TRPM3: variants seen among roughly 807,000 people sequenced by gnomAD.
TRPM3 encodes long transient receptor potential channel 3.
A neutral mutation model predicts 181.2 loss-of-function variants in TRPM3; 77 were observed. The observed-to-expected ratio is 0.42, with a 90% CI of 0.35 to 0.51. The LOEUF is 0.51. Among genes scored for constraint, TRPM3 ranks in the 20% least tolerant of loss-of-function variants. The probability of loss-of-function intolerance (pLI) is 0.01; values close to 1 mark genes in which losing one functional copy is unlikely to be tolerated. For missense variants in TRPM3, 1,759 were observed against 2,196.7 expected, an observed-to-expected ratio of 0.80 and a Z score of 3.98; for synonymous variants, 745 against 796.4, an observed-to-expected ratio of 0.94 and a Z score of 1.09.
At chr9:70,796,110 A>C (rs143916752) in intron 6 of TRPM3, among the ~76,000 whole-genome samples, 1 of 152,344 alleles carries the variant, frequency 6.6e-6, no homozygotes, top group Non-Finnish European at 1.5e-5. Context: ...TCTCAGATGT[A>C]ATCAGGGTGG....
intron 8 of TRPM3, among the ~76,000 whole-genome samples, chr9:70,684,673 T>C (rs1247049513): frequency 6.6e-6 from 1 of 152,228 alleles, no homozygotes; most frequent in Admixed American, 6.5e-5. Flanking sequence ...AAAACAGGTA[T>C]TCTTAAATAT....
At chr9:70,620,861 A>C (rs964771387) in intron 15 of TRPM3, among the ~76,000 whole-genome samples, 1 of 151,718 alleles carries the variant, frequency 6.6e-6, no homozygotes, top group African/African-American at 2.4e-5. Context: ...ACTTGTAAAC[A>C]CTCATGAATA....
rs183026102 is a variant in TRPM3 at position 70,746,720 on chromosome 9, A to C, written c.1272+14881T>G. 2.0e-5 allele frequency among the ~76,000 whole-genome samples: 3 copies of C among 152,304 alleles called. No homozygotes were observed. The East Asian group carries it at 5.8e-4, about 29-fold the overall frequency. The stretch of plus-strand genomic sequence containing the variant: ...AAAAAATCAAACCATTGTTTCAACC[A>C]AAAGGAGGAAGCCCCAAGTATGATA... On this transcript the variant is annotated intron_variant, in intron 8 of 25. Transcript: ENST00000677713.
At chr9:71,054,978 AG>A (rs1454984832) in intron 1 of TRPM3, among the ~76,000 whole-genome samples, 14 of 152,264 alleles carry the variant, frequency 9.2e-5, no homozygotes, top group African/African-American at 3.1e-4. Flanking sequence ...CCTGGCTGCT[AG>A]GCAGCACTCA....
chr9:70,911,232 G>A (rs1208039963), intron 1 of TRPM3, among the ~76,000 whole-genome samples: 1 of 152,112 alleles, frequency 6.6e-6, no homozygotes, highest in Non-Finnish European at 1.5e-5. Context: ...GTCACACTTT[G>A]GAAAGGATTT....
At chr9:71,322,996 T>C (rs1347077603) in intron 1 of TRPM3, among the ~76,000 whole-genome samples, 1 of 152,150 alleles carries the variant, frequency 6.6e-6, no homozygotes, top group Non-Finnish European at 1.5e-5. Flanking sequence ...TTCTCCATCT[T>C]TTTTGCCCTT....
intron 9 of TRPM3, among the ~76,000 whole-genome samples, chr9:70,677,841 C>T (rs2064400464): frequency 6.6e-6 from 1 of 152,038 alleles, no homozygotes; most frequent in African/African-American, 2.4e-5. Context: ...CCTTTCCACC[C>T]CTAAAATAAG....
intron 6 of TRPM3, chr9:70,793,455 C>CA (rs71507012): frequency 0.024 from 2,515 of 106,906 alleles, 92 homozygotes; most frequent in African/African-American, 0.073. Flanking sequence ...GGCTTTGTCT[C>CA]AAAAAAAAAA....
chr9:71,006,428 A>C (rs952918185), intron 1 of TRPM3, among the ~76,000 whole-genome samples: 1 of 152,156 alleles, frequency 6.6e-6, no homozygotes, highest in African/African-American at 2.4e-5. Context: ...ACAAGACCCA[A>C]CTATATGTTA....
intron 1 of TRPM3, among the ~76,000 whole-genome samples, chr9:71,049,323 A>G (rs1821766897): frequency 6.6e-6 from 1 of 152,100 alleles, no homozygotes; most frequent in African/African-American, 2.4e-5. Flanking sequence ...ACTTGTAAGT[A>G]CTCATCTTTC....
chr9:70,934,278 G>GA (rs2096802836), intron 1 of TRPM3, among the ~76,000 whole-genome samples: 1 of 152,036 alleles, frequency 6.6e-6, no homozygotes, highest in Non-Finnish European at 1.5e-5. Context: ...GTAGGAAGAA[G>GA]AAAAAAATGG....
chr9:70,927,269 A>G (rs554326142), intron 1 of TRPM3, among the ~76,000 whole-genome samples: 1 of 152,310 alleles, frequency 6.6e-6, no homozygotes, highest in East Asian at 1.9e-4. Flanking sequence ...TGGAAATTCA[A>G]ATTTACTTTT....
At chr9:70,761,399 C>G in intron 8 of TRPM3, 1 of 723,600 alleles carries the variant, frequency 1.4e-6, no homozygotes. Context: ...AACTCTGCTG[C>G]ACACACCTTA....
chr9:71,105,903 T>C (rs1040131397), intron 1 of TRPM3, among the ~76,000 whole-genome samples: 2 of 152,142 alleles, frequency 1.3e-5, no homozygotes, highest in African/African-American at 4.8e-5. Context: ...TTAAAGAACT[T>C]TCTAGGGTGA....
intron 1 of TRPM3, among the ~76,000 whole-genome samples, chr9:70,919,609 C>T (rs1041516823): frequency 6.6e-6 from 1 of 152,012 alleles, no homozygotes; most frequent in Non-Finnish European, 1.5e-5. Flanking sequence ...CATGGTGAAA[C>T]CCTGTCTCTA....
intron 1 of TRPM3, among the ~76,000 whole-genome samples, chr9:71,179,363 C>T (rs770039226): frequency 2.3e-4 from 35 of 152,126 alleles, no homozygotes; most frequent in Non-Finnish European, 4.6e-4. Context: ...AACAAGCAGT[C>T]ATCCACTTGT....
intron 1 of TRPM3, among the ~76,000 whole-genome samples, chr9:71,088,222 C>G (rs998385904): frequency 6.6e-6 from 1 of 152,038 alleles, no homozygotes; most frequent in South Asian, 2.1e-4. Context: ...ACTAATATTA[C>G]GCAGAGTACA....
chr9:70,678,278 C>CT (rs1018223581), intron 9 of TRPM3, among the ~76,000 whole-genome samples: 5 of 151,818 alleles, frequency 3.3e-5, no homozygotes, highest in Non-Finnish European at 7.4e-5. Context: ...TCTTTCTTTT[C>CT]TTTTTTTTGG....
intron 1 of TRPM3, among the ~76,000 whole-genome samples, chr9:71,421,007 A>AAAAGAG (rs1563912752): frequency 2.3e-5 from 3 of 129,022 alleles, no homozygotes; most frequent in Non-Finnish European, 3.3e-5. Flanking sequence ...AAAAGAGAGA[A>AAAAGAG]AAAGAGAGAA....
Sources: allele counts gnomAD v4.1 joint callset (sites outside exome capture counted in the v4.1 genomes callset), GRCh38; gene constraint gnomAD v4.1.1; transcripts MANE v1.5; gene names NCBI Gene and HGNC (gene_info 2026-07-23, HGNC 2026-07-21).